The following POLR1A variants were observed in gnomAD, a reference collection of about 807,000 sequenced individuals.
The protein encoded by POLR1A is DNA-directed RNA polymerase I subunit RPA1.
Under a neutral mutation model 205.3 loss-of-function variants are expected in POLR1A, and 84 were observed. The ratio of observed to expected loss-of-function variants is 0.41; its 90% CI spans 0.34 to 0.49. The LOEUF is 0.49. Among genes scored for constraint, POLR1A ranks in the 20% least tolerant of loss-of-function variants. POLR1A has a pLI of 0.22. For missense variants in POLR1A, 1,645 were observed against 2,204.5 expected, an observed-to-expected ratio of 0.75 and a Z score of 5.08; for synonymous variants, 799 against 863.7, an observed-to-expected ratio of 0.93 and a Z score of 1.31.
Position 86,049,012 on chromosome 2 carries a change from C to T in POLR1A, c.2506G>A (p.Ala836Thr), listed in dbSNP as rs2104395543. The T allele has an allele frequency of 6.2e-7, 1 of 1,614,242 alleles. No homozygotes were observed. The highest frequency in any genetic ancestry group is 8.5e-7 in the Non-Finnish European group (1 of 1,180,042). The change falls in exon 18 of 34, where the codon GCC becomes ACC. Residue 836 changes from alanine to threonine, a missense_variant. Coordinates refer to ENST00000263857, the MANE Select transcript of POLR1A (RefSeq NM_015425.6). The stretch of plus-strand genomic sequence containing the variant: ...CCTCGGACCTCATCATATGATGCGG[C>T]TTCTGGCAGGTTTAATGCAGCCCTG... ...AVRAALNLPE[A>T]ASYDEVRGKW...
At position 86,088,873 on chromosome 2, in the gene POLR1A, G is replaced by GT. The variant is rs757825512; in HGVS notation, c.541-4dup. 3.1e-6 allele frequency: 5 copies of GT among 1,605,298 alleles called. No individual in the cohort carries two copies. The highest frequency in any genetic ancestry group is 1.3e-5 in the African/African-American group (1 of 74,508). On this transcript the variant is annotated splice_region_variant and splice_polypyrimidine_tract_variant and intron_variant, in intron 4 of 33. Coordinates refer to ENST00000263857, the MANE Select transcript of POLR1A (RefSeq NM_015425.6). ...TTGCTCTCACACACGTTCTTTACCTGTTTTTTTAAAAAAAGTCAGAGAACC... is the reference window on the plus strand; with the variant it reads ...TTGCTCTCACACACGTTCTTTACCTGTTTTTTTTAAAAAAAGTCAGAGAACC...
chr2:86,085,567 T>TA (rs1553437725), intron 6 of POLR1A, among the ~76,000 whole-genome samples: 4 of 152,178 alleles, frequency 2.6e-5, no homozygotes, highest in Non-Finnish European at 5.9e-5. Flanking sequence ...TCTCTTCTAC[T>TA]AAATAGGTTG....
intron 19 of POLR1A, 72 bp from the exon 20 acceptor site, chr2:86,045,841 A>T (rs1219103130): frequency 7.3e-7 from 1 of 1,378,372 alleles, no homozygotes; most frequent in Non-Finnish European, 1.0e-6. Context: ...CCCAGCAGGG[A>T]AAGTATAATC....
In POLR1A at chr2:86,078,130, TACTTGTCCATC is replaced by T; in HGVS notation, c.1230_1240del (p.Met410IlefsTer5). ...TTTGCTCACCTGCCTAATGCCTGGG[TACTTGTCCATC>T]ATTAGTTTGTCCATCTCGCTATCAA... On this transcript the variant is annotated frameshift_variant, in exon 10 of 34. Transcript: ENST00000263857. LOFTEE classifies it high-confidence loss of function. The T allele has an allele frequency of 6.2e-7, 1 of 1,613,474 alleles. No homozygotes were observed. Among genetic ancestry groups the T allele is most frequent in the Non-Finnish European group, 8.5e-7 (1 of 1,179,878 alleles).
At chr2:86,091,077 A>C (rs1468906441) in intron 3 of POLR1A, among the ~76,000 whole-genome samples, 7 of 152,162 alleles carry the variant, frequency 4.6e-5, no homozygotes, top group Admixed American at 4.6e-4. Context: ...CGGAACACAA[A>C]GGACTATACT....
intron 18 of POLR1A, 63 bp downstream of exon 18, chr2:86,048,821 G>C (rs1672750455): frequency 6.8e-7 from 1 of 1,475,726 alleles, no homozygotes; most frequent in Admixed American, 1.7e-5. Context: ...GAATCAAAAT[G>C]TAATTTTTTT....
At chr2:86,060,059 ATTT>A (rs1365235301) in intron 14 of POLR1A, among the ~76,000 whole-genome samples, 2 of 152,358 alleles carry the variant, frequency 1.3e-5, no homozygotes, top group East Asian at 3.9e-4. Context: ...AATTAATTGT[ATTT>A]CTAGACACCA....
chr2:86,071,467 T>C (rs2104414101), intron 12 of POLR1A, among the ~76,000 whole-genome samples: 1 of 152,322 alleles, frequency 6.6e-6, no homozygotes, highest in South Asian at 2.1e-4. Context: ...CTTTCCTACA[T>C]CTTAGCATCG....
At position 86,105,835 on chromosome 2, in the gene POLR1A, A is replaced by G. The variant is rs1673918797; in HGVS notation, c.-59T>C. ...GAGACGTTCCACTCACCACCTGACTATTCTTAATTCAACCTCAAGCCCGGA... is the reference window on the plus strand; with the variant it reads ...GAGACGTTCCACTCACCACCTGACTGTTCTTAATTCAACCTCAAGCCCGGA... On this transcript the variant is annotated 5_prime_UTR_variant, in exon 1 of 34. Coordinates refer to ENST00000263857, the MANE Select transcript of POLR1A (RefSeq NM_015425.6). 7.0e-7 allele frequency: 1 copy of G among 1,422,240 alleles called. No individual in the cohort carries two copies. Among genetic ancestry groups the G allele is most frequent in the South Asian group, 1.2e-5 (1 of 86,402 alleles). The allele number at this position is 1,422,240 out of a possible 1,614,324, so 88.1% of individuals were successfully genotyped here.
intron 3 of POLR1A, among the ~76,000 whole-genome samples, chr2:86,098,046 C>A (rs771356140): frequency 1.4e-4 from 22 of 151,992 alleles, no homozygotes; most frequent in Non-Finnish European, 2.8e-4. Flanking sequence ...ACCAAAAAAA[C>A]CAAATACAAG....
intron 8 of POLR1A, 58 bp from the exon 9 acceptor site, chr2:86,081,036 T>G: frequency 6.7e-7 from 1 of 1,499,292 alleles, no homozygotes; most frequent in Non-Finnish European, 9.1e-7. Context: ...GTCATGTTCT[T>G]CAGCCTCTCA....
In POLR1A at chr2:86,081,651, T is replaced by C; in HGVS notation, c.873A>G (p.Arg291=). The change falls in exon 8 of 34, where the codon AGA becomes AGG. Residue 291 remains arginine, a synonymous_variant. Coordinates refer to ENST00000263857, the MANE Select transcript of POLR1A (RefSeq NM_015425.6). ...SGMDDDGMES[R]FNPSVFFLDF... ...CTAGAAAGAACACACTGGGATTGAA[T>C]CTGGATTCCATACCATCATCATCCA... 3 of 1,613,014 alleles carry C rather than the reference T, an allele frequency of 1.9e-6. No individual in the cohort carries two copies. Among genetic ancestry groups the C allele is most frequent in the African/African-American group, 1.3e-5 (1 of 74,798 alleles).
rs765635617 is a variant in POLR1A, at chr2:86,032,257, C to T, written c.4272+15G>A. On this transcript the variant is annotated intron_variant, in intron 29 of 33. Coordinates refer to ENST00000263857, the MANE Select transcript of POLR1A (RefSeq NM_015425.6). ...CTGGGACCACAGCTCCTTCACCCCA[C>T]ACAGGGTCTCTCACCTCCTCCTCCT... is the stretch of plus-strand genomic sequence containing the variant. 5.8e-6 allele frequency: 9 copies of T among 1,554,474 alleles called. No homozygotes were observed. The highest frequency in any genetic ancestry group is 1.1e-5 in the South Asian group (1 of 89,958).
chr2:86,065,799 T>C (rs529827300), intron 13 of POLR1A: 1 of 247,678 alleles, frequency 4.0e-6, no homozygotes, highest in Non-Finnish European at 7.7e-6. Flanking sequence ...CTAAATTTGG[T>C]CTGGCTGCTG....
In POLR1A at chr2:86,064,933, G is replaced by A. The variant is rs569511811; in HGVS notation, c.2058+341C>T. Among the ~76,000 whole-genome samples, 5 of 151,936 alleles carry A rather than the reference G, an allele frequency of 3.3e-5. No homozygotes were observed. The East Asian group carries it at 5.8e-4, about 18-fold the overall frequency. On this transcript the variant is annotated intron_variant, in intron 14 of 33. Transcript: ENST00000263857. ...CTGAGATTACAGGCACTAATCCCAC[G>A]CCCAGCTAATTTTGTACTTTTAGTA...
rs907593454 is a variant in POLR1A at position 86,022,922 on chromosome 2, G to A, written c.*4501C>T. The A allele has an allele frequency of 5.9e-5, 9 of 151,720 alleles. No homozygotes were observed. The highest frequency in any genetic ancestry group is 8.8e-5 in the Non-Finnish European group (6 of 67,962). The allele number at this position is 151,720 out of a possible 1,614,324, so 9.4% of individuals were successfully genotyped here. ...TTTTCCTAAGACGGAGTCTCACTCT[G>A]TTGCCCAGGCTGGAGTGACATAATC... On this transcript the variant is annotated 3_prime_UTR_variant, in exon 34 of 34. Transcript: ENST00000263857.
chr2:86,047,156 T>G lies in POLR1A; in HGVS notation c.2733+9A>C. On this transcript the variant is annotated intron_variant, in intron 19 of 33. Transcript: ENST00000263857. ...ACCTGTAAAGCTGCCAACCCGCCTC[T>G]GCACATACCTGCATCGTGTTCACAG... 1.9e-6 allele frequency: 3 copies of G among 1,608,962 alleles called. No individual in the cohort carries two copies. The highest frequency in any genetic ancestry group is 8.5e-7 in the Non-Finnish European group (1 of 1,175,358).
chr2:86,062,662 G>A (rs994765017), intron 14 of POLR1A, among the ~76,000 whole-genome samples: 2 of 151,606 alleles, frequency 1.3e-5, no homozygotes, highest in Non-Finnish European at 2.9e-5. Context: ...AAAAAAAAAA[G>A]AGCAAATTAA....
chr2:86,021,418 G>C lies in POLR1A; in HGVS notation c.*6005C>G, dbSNP rs1271960197. On this transcript the variant is annotated 3_prime_UTR_variant, in exon 34 of 34. Coordinates refer to ENST00000263857, the MANE Select transcript of POLR1A (RefSeq NM_015425.6). ...GCAGCCAGGGTGGAAGTGGGGGCAG[G>C]AGGTGGGGAGGGGATGGCTGGACTC... 1 of 152,552 alleles carries C rather than the reference G, an allele frequency of 6.6e-6. No individual in the cohort carries two copies. The highest frequency in any genetic ancestry group is 1.9e-4 in the East Asian group (1 of 5,212). 9.4% of individuals were successfully genotyped at this position (152,552 alleles called of 1,614,324 possible). A position where few individuals can be genotyped will look rare whatever the true frequency, so the allele number is the denominator to read the frequency against.
Sources: gnomAD v4.1 joint callset for allele counts (sites outside exome capture counted in the v4.1 genomes callset) on GRCh38, gnomAD v4.1.1 for gene constraint, MANE v1.5 for transcripts, NCBI Gene and HGNC (gene_info 2026-07-23, HGNC 2026-07-21) for gene names.